LRP1B: variants seen among roughly 807,000 people sequenced by gnomAD.
LRP1B encodes LDL receptor related protein 1B.
A neutral mutation model predicts 556.6 loss-of-function variants in LRP1B; 217 were observed. The observed-to-expected ratio is 0.39, with a 90% CI of 0.35 to 0.44. The LOEUF is 0.44. Ranked by LOEUF, LRP1B falls within the 20% of genes least tolerant of loss-of-function variation. The probability of loss-of-function intolerance (pLI) is 1.00; values close to 1 mark genes in which losing one functional copy is unlikely to be tolerated. For synonymous variants in LRP1B, 2,047 were observed against 1,865.8 expected (o/e 1.10, Z -2.50); for missense variants, 5,053 against 5,620.8 (o/e 0.90, Z 3.23).
At chr2:140,650,619 G>T (rs1433339411) in intron 41 of LRP1B, among the ~76,000 whole-genome samples, 1 of 152,122 alleles carries the variant, frequency 6.6e-6, no homozygotes, top group African/African-American at 2.4e-5. Flanking sequence ...AAAGTGCTGG[G>T]ATTACAGGTG....
chr2:140,567,008 G>C (rs191631930), intron 43 of LRP1B, among the ~76,000 whole-genome samples: 74 of 152,228 alleles, frequency 4.9e-4, no homozygotes, highest in African/African-American at 1.7e-3. Context: ...GGAATTGGTA[G>C]CTTGGCTGAA....
intron 1 of LRP1B, among the ~76,000 whole-genome samples, chr2:141,869,296 C>A (rs369394164): frequency 2.0e-5 from 3 of 151,940 alleles, no homozygotes; most frequent in South Asian, 4.1e-4. Context: ...ATTTAAATAA[C>A]CCCATGTGGC....
intron 43 of LRP1B, among the ~76,000 whole-genome samples, chr2:140,588,950 G>A (rs1245669430): frequency 4.3e-5 from 6 of 140,728 alleles, no homozygotes; most frequent in African/African-American, 1.6e-4. Flanking sequence ...GCAACAGAAC[G>A]AGACTCCGTC....
chr2:141,762,435 A>G (rs2105596995), intron 2 of LRP1B, among the ~76,000 whole-genome samples: 1 of 152,266 alleles, frequency 6.6e-6, no homozygotes, highest in East Asian at 1.9e-4. Flanking sequence ...CCAATTTTGT[A>G]GATGCTTTAC....
At chr2:141,947,755 A>G (rs1700993180) in intron 1 of LRP1B, among the ~76,000 whole-genome samples, 1 of 152,108 alleles carries the variant, frequency 6.6e-6, no homozygotes, top group East Asian at 1.9e-4. Flanking sequence ...ATAAATATTT[A>G]AAATACTTAT....
intron 41 of LRP1B, 152 bp downstream of exon 41, chr2:140,700,098 T>TG (rs199645520): frequency 7.8e-5 from 40 of 510,468 alleles, no homozygotes; most frequent in African/African-American, 2.4e-4. Context: ...GGCGGGGGGG[T>TG]GGGGGGTGAG....
At chr2:141,175,913 C>G (rs543385194) in intron 7 of LRP1B, among the ~76,000 whole-genome samples, 1 of 152,162 alleles carries the variant, frequency 6.6e-6, no homozygotes, top group East Asian at 2.0e-4. Context: ...TCAGCATGCC[C>G]TAGATGCAAG....
chr2:140,928,469 T>G (rs564260726), intron 20 of LRP1B, among the ~76,000 whole-genome samples: 28 of 152,116 alleles, frequency 1.8e-4, no homozygotes, highest in South Asian at 6.2e-4. Context: ...AGAGACCAAC[T>G]TGAATGTTTG....
At chr2:141,572,288 A>C (rs113655563) in intron 2 of LRP1B, among the ~76,000 whole-genome samples, 6,442 of 152,248 alleles carry the variant, frequency 0.042, 178 homozygotes, top group Non-Finnish European at 0.061. Flanking sequence ...AACATTCTTA[A>C]AGAAAAAAAT....
intron 52 of LRP1B, among the ~76,000 whole-genome samples, chr2:140,507,932 T>A (rs1558930481): frequency 6.6e-6 from 1 of 152,188 alleles, no homozygotes; most frequent in Non-Finnish European, 1.5e-5. Flanking sequence ...ATGTATCTGA[T>A]ACATTTCTTA....
chr2:140,853,925 G>T (rs1374174927), intron 27 of LRP1B, among the ~76,000 whole-genome samples: 1 of 152,016 alleles, frequency 6.6e-6, no homozygotes, highest in East Asian at 1.9e-4. Flanking sequence ...GAAAGTAGGT[G>T]GGAAGGGAAG....
intron 2 of LRP1B, among the ~76,000 whole-genome samples, chr2:141,580,692 T>C (rs1437590207): frequency 6.6e-6 from 1 of 152,188 alleles, no homozygotes; most frequent in Non-Finnish European, 1.5e-5. Flanking sequence ...GTTACAGGTT[T>C]CCCGAACATA....
At chr2:142,039,266 G>A (rs979691455) in intron 1 of LRP1B, among the ~76,000 whole-genome samples, 1 of 151,538 alleles carries the variant, frequency 6.6e-6, no homozygotes. Context: ...GCTGGAGATA[G>A]CCACAGATGG....
chr2:140,788,282 T>C (rs576589860), intron 32 of LRP1B, among the ~76,000 whole-genome samples: 24 of 152,310 alleles, frequency 1.6e-4, no homozygotes, highest in African/African-American at 4.8e-4. Context: ...GCTACATAAA[T>C]AACTCGGAAA....
At chr2:140,968,010 G>GTTGTGTGT (rs1482436778) in intron 18 of LRP1B, among the ~76,000 whole-genome samples, 9 of 52,422 alleles carry the variant, frequency 1.7e-4, no homozygotes, top group Admixed American at 5.3e-4. Context: ...CTCTTTTTTT[G>GTTGTGTGT]CCAGGCTTTG....
chr2:141,086,261 A>G (rs765737822), intron 7 of LRP1B, among the ~76,000 whole-genome samples: 1 of 152,206 alleles, frequency 6.6e-6, no homozygotes, highest in African/African-American at 2.4e-5. Flanking sequence ...GATCAAAAGC[A>G]TATATATTGA....
chr2:140,367,113 G>A (rs1682796788), intron 71 of LRP1B, among the ~76,000 whole-genome samples: 1 of 151,716 alleles, frequency 6.6e-6, no homozygotes, highest in Non-Finnish European at 1.5e-5. Context: ...TTGGTGGCCA[G>A]ATGTTGAAAA....
intron 46 of LRP1B, 76 bp downstream of exon 46, chr2:140,536,505 C>G: frequency 7.1e-7 from 1 of 1,412,594 alleles, no homozygotes; most frequent in Non-Finnish European, 9.7e-7. Context: ...TAAACCACAC[C>G]GAGACAAGCA....
intron 38 of LRP1B, 43 bp downstream of exon 38, chr2:140,702,384 G>T: frequency 6.2e-7 from 1 of 1,608,308 alleles, no homozygotes; most frequent in Non-Finnish European, 8.5e-7. Context: ...AATTAAAGTT[G>T]TCAGTTAAGG....
Sources: allele counts gnomAD v4.1 joint callset (sites outside exome capture counted in the v4.1 genomes callset), GRCh38; gene constraint gnomAD v4.1.1; transcripts MANE v1.5; gene names NCBI Gene and HGNC (gene_info 2026-07-23, HGNC 2026-07-21).